SMARCAD1: variants seen among roughly 807,000 people sequenced by gnomAD.
The protein encoded by SMARCAD1 is SWI/SNF-related matrix-associated actin-dependent regulator of chromatin subfamily A containing DEAD/H box 1.
A neutral mutation model predicts 127.1 loss-of-function variants in SMARCAD1; 25 were observed. The ratio of observed to expected loss-of-function variants is 0.20; its 90% confidence interval spans 0.14 to 0.27. The LOEUF is 0.27. Among genes scored for constraint, SMARCAD1 ranks in the 10% least tolerant of loss-of-function variants. SMARCAD1 has a pLI of 1.00. For missense variants in SMARCAD1, 807 were observed against 1,206.0 expected, an observed-to-expected ratio of 0.67 and a Z score of 4.90; for synonymous variants, 400 against 396.9, an observed-to-expected ratio of 1.01 and a Z score of -0.09.
chr4:94,208,592 A>G lies in SMARCAD1; in HGVS notation c.190+8A>G. 1 of 1,613,102 alleles carries G rather than the reference A, an allele frequency of 6.2e-7. No homozygotes were observed. The stretch of plus-strand genomic sequence containing the variant: ...ATATAACTGAAAAAACAGGTGAGTT[A>G]CAATGTTAAAATTGATGTAACATCA... On this transcript the variant is annotated splice_region_variant and intron_variant, in intron 2 of 23. Transcript: ENST00000354268.
intron 21 of SMARCAD1, among the ~76,000 whole-genome samples, chr4:94,282,348 G>A (rs976324623): frequency 4.0e-5 from 6 of 150,854 alleles, no homozygotes; most frequent in South Asian, 2.1e-4. Context: ...CGCCCGCCTC[G>A]GCCTCCCAAA....
intron 2 of SMARCAD1, among the ~76,000 whole-genome samples, chr4:94,209,420 T>A (rs538167470): frequency 6.7e-6 from 1 of 149,490 alleles, no homozygotes; most frequent in Non-Finnish European, 1.5e-5. Flanking sequence ...ATAAACTAAT[T>A]AGTTAGTTTC....
chr4:94,281,176 T>C (rs1464821002), intron 20 of SMARCAD1, among the ~76,000 whole-genome samples: 1 of 152,242 alleles, frequency 6.6e-6, no homozygotes, highest in African/African-American at 2.4e-5. Flanking sequence ...CATAAGCAGT[T>C]GTCCACATTT....
intron 16 of SMARCAD1, among the ~76,000 whole-genome samples, chr4:94,277,643 G>A (rs567773764): frequency 1.3e-5 from 2 of 152,164 alleles, no homozygotes; most frequent in Non-Finnish European, 2.9e-5. Flanking sequence ...CACAAGAAAA[G>A]TTTTGTTACT....
chr4:94,285,116 T>C (rs1560572248), intron 23 of SMARCAD1, 47 bp downstream of exon 23: 3 of 1,207,926 alleles, frequency 2.5e-6, no homozygotes, highest in Admixed American at 3.4e-5. Flanking sequence ...TATATGACCA[T>C]GCATCTAATT....
intron 10 of SMARCAD1, among the ~76,000 whole-genome samples, chr4:94,267,733 T>C (rs994203402): frequency 2.0e-5 from 3 of 152,128 alleles, no homozygotes; most frequent in African/African-American, 7.2e-5. Flanking sequence ...ATAAAAAATC[T>C]TCAGTTCAGA....
At chr4:94,208,705 C>A in intron 2 of SMARCAD1, 121 bp downstream of exon 2, 1 of 983,306 alleles carries the variant, frequency 1.0e-6, no homozygotes, top group Non-Finnish European at 1.6e-6. Flanking sequence ...CTGCGGTGTG[C>A]CCTTTTAAAT....
Position 94,208,567 on chromosome 4 carries a change from A to C in SMARCAD1, c.173A>C (p.Asp58Ala). 6 of 1,614,078 alleles carry C rather than the reference A, an allele frequency of 3.7e-6. No homozygotes were observed. The highest frequency in any genetic ancestry group is 1.7e-5 in the Admixed American group (1 of 60,024). The change falls in exon 2 of 24, where the codon GAT becomes GCT. Residue 58 changes from aspartate to alanine, a missense_variant. By Grantham distance (126) the Asp-to-Ala change is moderately radical. This residue lies in a region of SMARCAD1 where 175 missense variants were observed against 169.5 expected (regional missense o/e 1.03). Coordinates refer to ENST00000354268, the MANE Select transcript of SMARCAD1 (RefSeq NM_020159.5). ...AGCAGGGCAAACACTCCTGATTCAG[A>C]TATAACTGAAAAAACAGGTGAGTTA... is the stretch of plus-strand genomic sequence containing the variant. ...EVSRANTPDS[D>A]ITEKTEDSSV...
intron 9 of SMARCAD1, chr4:94,253,482 A>G (rs895712575): frequency 1.1e-5 from 12 of 1,135,790 alleles, no homozygotes; most frequent in Non-Finnish European, 1.2e-5. Context: ...CTTCACCACA[A>G]AAGAAGCAAT....
At chr4:94,282,789 C>A (rs563971885) in intron 21 of SMARCAD1, among the ~76,000 whole-genome samples, 1 of 151,524 alleles carries the variant, frequency 6.6e-6, no homozygotes, top group Non-Finnish European at 1.5e-5. Context: ...CAGTAGGAGC[C>A]GATATACTTC....
At chr4:94,282,659 G>A (rs1443936344) in intron 21 of SMARCAD1, among the ~76,000 whole-genome samples, 1 of 151,742 alleles carries the variant, frequency 6.6e-6, no homozygotes, top group Non-Finnish European at 1.5e-5. Flanking sequence ...GTTGGCCAGA[G>A]TGGTTTTTTC....
chr4:94,273,476 A>G (rs1185456419), intron 11 of SMARCAD1, 141 bp from the exon 12 acceptor site: 2 of 652,408 alleles, frequency 3.1e-6, no homozygotes, highest in East Asian at 2.7e-5. Flanking sequence ...AACTAAGAAC[A>G]TAGTAGAAAT....
At chr4:94,251,550 G>C (rs985865401) in intron 8 of SMARCAD1, among the ~76,000 whole-genome samples, 1 of 152,142 alleles carries the variant, frequency 6.6e-6, no homozygotes, top group Non-Finnish European at 1.5e-5. Context: ...TTTGAAAAAT[G>C]AGTCAGAAGA....
rs756665700 is a variant in SMARCAD1, at chr4:94,278,594, T to TA, written c.2179-19dup. 5 of 1,612,796 alleles carry TA rather than the reference T, an allele frequency of 3.1e-6. No homozygotes were observed. The African/African-American group carries it at 6.7e-5, about 22-fold the overall frequency. On this transcript the variant is annotated intron_variant, in intron 17 of 23. Coordinates refer to ENST00000354268, the MANE Select transcript of SMARCAD1 (RefSeq NM_020159.5). ...TTTCTCTTTACTAGAATGATTATCTTAAACTGTTTTTTCTGTCTCAGGTTC... is the reference window on the plus strand; with the variant it reads ...TTTCTCTTTACTAGAATGATTATCTTAAAACTGTTTTTTCTGTCTCAGGTTC...
chr4:94,224,724 G>C (rs937413530), intron 2 of SMARCAD1, among the ~76,000 whole-genome samples: 1 of 152,168 alleles, frequency 6.6e-6, no homozygotes, highest in Non-Finnish European at 1.5e-5. Flanking sequence ...GGGTATAACA[G>C]TTTAGACTTT....
At position 94,250,782 on chromosome 4, in the gene SMARCAD1, T is replaced by C; in HGVS notation, c.838T>C (p.Trp280Arg). 1 of 1,610,984 alleles carries C rather than the reference T, an allele frequency of 6.2e-7. No homozygotes were observed. Among genetic ancestry groups the C allele is most frequent in the South Asian group, 1.1e-5 (1 of 90,146 alleles). ...TAGAGAAGTACTCAAGGAACATGAA[T>C]GGATGTACACAGAAGCTTTAGAATC... ...ELREVLKEHE[W>R]MYTEALESLK... Residue 280 changes from tryptophan to arginine, a missense_variant, in exon 8 of 24, where the codon TGG becomes CGG. By Grantham distance (101) the Trp-to-Arg change is moderately radical. This residue lies in a region of SMARCAD1 where 257 missense variants were observed against 303.4 expected (regional missense o/e 0.85). Transcript: ENST00000354268.
intron 2 of SMARCAD1, among the ~76,000 whole-genome samples, chr4:94,221,537 G>A (rs1410066589): frequency 1.3e-5 from 2 of 152,074 alleles, no homozygotes; most frequent in Non-Finnish European, 2.9e-5. Flanking sequence ...TTCACAAAAT[G>A]AAATGAAAAC....
chr4:94,255,901 G>T (rs915946028), intron 9 of SMARCAD1, among the ~76,000 whole-genome samples: 1 of 151,878 alleles, frequency 6.6e-6, no homozygotes, highest in East Asian at 1.9e-4. Context: ...GGTGCCTATT[G>T]TGAGAAAACC....
In SMARCAD1 at chr4:94,289,415, A is replaced by G; in HGVS notation, c.3020-58A>G. 4 of 1,441,376 alleles carry G rather than the reference A, an allele frequency of 2.8e-6. 1 individual carries two copies. The South Asian group carries it at 4.7e-5, about 17-fold the overall frequency. 89.3% of individuals were successfully genotyped at this position (1,441,376 alleles called of 1,614,324 possible). A position where few individuals can be genotyped will look rare whatever the true frequency, so the allele number is the denominator to read the frequency against. The stretch of plus-strand genomic sequence containing the variant: ...CCAAAGAAAAAAAATAATTGAGACA[A>G]TTTTTTTTTAAGTAAAATATTTTTA... On this transcript the variant is annotated intron_variant, in intron 23 of 23. Transcript: ENST00000354268.
Sources: gnomAD v4.1 joint callset for allele counts (sites outside exome capture counted in the v4.1 genomes callset) on GRCh38, gnomAD v4.1.1 for gene constraint, gnomAD v4.1.1 regional missense constraint, MANE v1.5 for transcripts, NCBI Gene and HGNC (gene_info 2026-07-23, HGNC 2026-07-21) for gene names.